STEAP1B: variants seen among roughly 807,000 people sequenced by gnomAD.
STEAP1B encodes STEAP family member 1B, also known as STEAP family protein MGC87042.
A neutral mutation model predicts 27.9 loss-of-function variants in STEAP1B; 13 were observed. The observed-to-expected ratio is 0.47, with a 90% CI of 0.30 to 0.74. STEAP1B has a LOEUF of 0.74. Among genes scored for constraint, STEAP1B ranks in the 30% least tolerant of loss-of-function variants. STEAP1B has a pLI of 0.06. For synonymous variants in STEAP1B, 86 were observed against 107.1 expected, an observed-to-expected ratio of 0.80 and a Z score of 1.22; for missense variants, 250 against 298.7, an observed-to-expected ratio of 0.84 and a Z score of 1.20.
intron 4 of STEAP1B, among the ~76,000 whole-genome samples, chr7:22,456,187 T>C (rs544809670): frequency 6.6e-6 from 1 of 152,290 alleles, no homozygotes; most frequent in South Asian, 2.1e-4. Context: ...AAAATATTTC[T>C]TCTCCTTTTA....
rs113094094 is a variant in STEAP1B, at chr7:22,481,973, C to T, written c.762+10592G>A. 6.0e-3 allele frequency among the ~76,000 whole-genome samples: 917 copies of T among 152,294 alleles called. 8 individuals are homozygous for T. Among genetic ancestry groups the T allele is most frequent in the African/African-American group, 0.021 (878 of 41,550 alleles). On this transcript the variant is annotated intron_variant, in intron 4 of 4. Transcript: ENST00000678116. ...TTCATGCCTAATTAAGTAAAACCCA[C>T]GAAAGCCGGAATCCTGCTCTGGGGA...
At chr7:22,438,515 A>C in intron 4 of STEAP1B, 2 of 1,551,148 alleles carry the variant, frequency 1.3e-6, no homozygotes, top group Non-Finnish European at 1.7e-6. Flanking sequence ...ATCAGCAATA[A>C]CTTGTCTTTT....
intron 4 of STEAP1B, among the ~76,000 whole-genome samples, chr7:22,478,134 C>T (rs1786005546): frequency 6.6e-6 from 1 of 152,144 alleles, no homozygotes; most frequent in Admixed American, 6.5e-5. Flanking sequence ...TGCTGAGGCA[C>T]CAAACTGGTG....
intron 4 of STEAP1B, among the ~76,000 whole-genome samples, chr7:22,456,867 G>A (rs79003566): frequency 0.036 from 5,333 of 148,760 alleles, 335 homozygotes; most frequent in African/African-American, 0.13. Flanking sequence ...ACCCCTTAGC[G>A]GAACTCGCCA....
In STEAP1B at chr7:22,492,680, A is replaced by C. The variant is rs531772190; in HGVS notation, c.647T>G (p.Met216Arg). ...AATTCCCAGAGACACATAAATCTCC[A>C]TTCTCCAAACATCATGCTCAATCCA... ...DAWIEHDVWR[M>R]EIYVSLGIVG... Residue 216 changes from methionine to arginine, a missense_variant, in exon 4 of 5, where the codon ATG becomes AGG. By Grantham distance (91) the Met-to-Arg change is moderately conservative. Coordinates refer to ENST00000678116, the MANE Select transcript of STEAP1B (RefSeq NM_001382447.1). 235 of 1,613,634 alleles carry C rather than the reference A, an allele frequency of 1.5e-4. No individual in the cohort carries two copies. Among genetic ancestry groups the C allele is most frequent in the Non-Finnish European group, 1.8e-4 (213 of 1,179,730 alleles).
In STEAP1B at chr7:22,480,260, C is replaced by T. The variant is rs182068130; in HGVS notation, c.762+12305G>A. ...GGGTCATAATTGTACATATCATTCT[C>T]GGCTAAAGGTAAAAAGTGAGGTCTT... On this transcript the variant is annotated intron_variant, in intron 4 of 4. Coordinates refer to ENST00000678116, the MANE Select transcript of STEAP1B (RefSeq NM_001382447.1). Among the ~76,000 whole-genome samples, 131 of 152,318 alleles carry T rather than the reference C, an allele frequency of 8.6e-4. 1 individual carries two copies. The highest frequency in any genetic ancestry group is 1.5e-3 in the Non-Finnish European group (102 of 68,030).
rs1420050608 is a variant in STEAP1B at position 22,493,680 on chromosome 7, T to G, written c.241A>C (p.Met81Leu). ...GTGTAAAGAAAAGTCAGAGATGCCA[T>G]AACAGCAGCTATTTTAATTGGCAAG... ...WHLPIKIAAV[M>L]ASLTFLYTLL... The change falls in exon 3 of 5, where the codon ATG becomes CTG. Residue 81 changes from methionine to leucine, a missense_variant. By Grantham distance (15) the Met-to-Leu change is conservative. Coordinates refer to ENST00000678116, the MANE Select transcript of STEAP1B (RefSeq NM_001382447.1). The G allele has an allele frequency of 6.2e-7, 1 of 1,614,020 alleles. No homozygotes were observed. Among genetic ancestry groups the G allele is most frequent in the Admixed American group, 1.7e-5 (1 of 60,018 alleles).
In STEAP1B at chr7:22,493,555, G is replaced by C. The variant is rs983109444; in HGVS notation, c.366C>G (p.Ser122=). 1 of 1,613,744 alleles carries C rather than the reference G, an allele frequency of 6.2e-7. No homozygotes were observed. Among genetic ancestry groups the C allele is most frequent in the Non-Finnish European group, 8.5e-7 (1 of 1,179,846 alleles). The part of the protein sequence containing the change: ...LVINKVLPMV[S]ITLLALVYLP... Reference sequence around the variant, plus strand: ...GGTAAACCAATGCCAAGAGAGTGATGGAAACCATTGGCAAGACTTTGTTGA... The same window carrying C: ...GGTAAACCAATGCCAAGAGAGTGATCGAAACCATTGGCAAGACTTTGTTGA... Residue 122 remains serine, a synonymous_variant, in exon 3 of 5, where the codon TCC becomes TCG. Coordinates refer to ENST00000678116, the MANE Select transcript of STEAP1B (RefSeq NM_001382447.1).
chr7:22,441,372 T>A (rs1785331126), intron 4 of STEAP1B, among the ~76,000 whole-genome samples: 1 of 152,214 alleles, frequency 6.6e-6, no homozygotes, highest in South Asian at 2.1e-4. Flanking sequence ...GCCCTTACCA[T>A]GCGCCAGGCA....
chr7:22,489,706 A>G (rs1786283644), intron 4 of STEAP1B, among the ~76,000 whole-genome samples: 1 of 152,224 alleles, frequency 6.6e-6, no homozygotes, highest in African/African-American at 2.4e-5. Context: ...ACAGACCTGG[A>G]ACAGGCTCTC....
At chr7:22,462,894 T>C (rs1207869228) in intron 4 of STEAP1B, among the ~76,000 whole-genome samples, 2 of 152,116 alleles carry the variant, frequency 1.3e-5, no homozygotes, top group Admixed American at 6.5e-5. Context: ...CCAGCACCTG[T>C]TGTTTCCTGA....
At chr7:22,445,959 G>C (rs1465105734) in intron 4 of STEAP1B, among the ~76,000 whole-genome samples, 1 of 152,174 alleles carries the variant, frequency 6.6e-6, no homozygotes, top group Non-Finnish European at 1.5e-5. Context: ...TTAAAAAAAT[G>C]AATGAATAAA....
At chr7:22,422,304 T>A (rs1785053454) in intron 4 of STEAP1B, among the ~76,000 whole-genome samples, 1 of 152,236 alleles carries the variant, frequency 6.6e-6, no homozygotes. Context: ...TAGTTGCCCA[T>A]GACTTTGTGC....
intron 4 of STEAP1B, among the ~76,000 whole-genome samples, chr7:22,487,665 A>G (rs1300121315): frequency 6.6e-6 from 1 of 151,782 alleles, no homozygotes; most frequent in Non-Finnish European, 1.5e-5. Context: ...TTAGCCAGGC[A>G]TGGTGATGCA....
chr7:22,448,375 CATGA>C (rs1785438432), intron 4 of STEAP1B, among the ~76,000 whole-genome samples: 1 of 151,422 alleles, frequency 6.6e-6, no homozygotes, highest in Admixed American at 6.6e-5. Context: ...TTTTAAAATA[CATGA>C]ATGATCTTTT....
chr7:22,441,165 T>G (rs1182490778), intron 4 of STEAP1B, among the ~76,000 whole-genome samples: 5 of 152,204 alleles, frequency 3.3e-5, no homozygotes, highest in African/African-American at 9.6e-5. Flanking sequence ...CAATTCCTAG[T>G]TTCAAAAACT....
intron 4 of STEAP1B, among the ~76,000 whole-genome samples, chr7:22,452,442 A>G (rs1562572082): frequency 6.7e-6 from 1 of 149,846 alleles, no homozygotes; most frequent in Non-Finnish European, 1.5e-5. Flanking sequence ...CGCGCCATAC[A>G]CCAAACCCAA....
intron 4 of STEAP1B, among the ~76,000 whole-genome samples, chr7:22,422,825 C>G (rs1014559114): frequency 3.3e-5 from 5 of 152,180 alleles, no homozygotes; most frequent in Non-Finnish European, 7.3e-5. Flanking sequence ...CAGTCACTGA[C>G]AGTTTAAATC....
chr7:22,440,981 AATTT>A (rs1184281027), intron 4 of STEAP1B, among the ~76,000 whole-genome samples: 3 of 150,228 alleles, frequency 2.0e-5, no homozygotes, highest in African/African-American at 7.3e-5. Flanking sequence ...TATATATTAA[AATTT>A]ATTTAAATTG....
Sources: allele counts gnomAD v4.1 joint callset (sites outside exome capture counted in the v4.1 genomes callset), GRCh38; gene constraint gnomAD v4.1.1; transcripts MANE v1.5; gene names NCBI Gene and HGNC (gene_info 2026-07-23, HGNC 2026-07-21).